FARP2: variants seen among roughly 807,000 people sequenced by gnomAD.
FARP2 encodes FERM, ARHGEF and pleckstrin domain-containing protein 2.
FARP2 carries 111 observed loss-of-function variants against 130.5 expected under a neutral mutation model. The observed-to-expected ratio is 0.85, with a 90% confidence interval of 0.73 to 1.00. FARP2 has a LOEUF of 1.00. Among genes scored for constraint, FARP2 ranks in the 50% least tolerant of loss-of-function variants. The pLI, the probability that FARP2 is intolerant of heterozygous loss-of-function variation, is 0.00. For synonymous variants in FARP2, 504 were observed against 516.9 expected (o/e 0.98, Z 0.34); for missense variants, 1,385 against 1,346.3 (o/e 1.03, Z -0.45).
At chr2:241,377,532 G>A (rs905285797) in intron 2 of FARP2, among the ~76,000 whole-genome samples, 6 of 151,948 alleles carry the variant, frequency 3.9e-5, no homozygotes, top group African/African-American at 9.7e-5. Context: ...TAGTAGAGAC[G>A]GGGTTTCACC....
At chr2:241,440,359 AG>A (rs1174786482) in intron 12 of FARP2, among the ~76,000 whole-genome samples, 1 of 152,154 alleles carries the variant, frequency 6.6e-6, no homozygotes, top group Non-Finnish European at 1.5e-5. Flanking sequence ...TAGTGAGTAG[AG>A]GGGGCTCAGC....
At chr2:241,393,895 T>C (rs905328205) in intron 2 of FARP2, among the ~76,000 whole-genome samples, 2 of 152,230 alleles carry the variant, frequency 1.3e-5, no homozygotes, top group Non-Finnish European at 2.9e-5. Flanking sequence ...CAAAAAGTTT[T>C]GCTTTTTAAC....
chr2:241,375,419 G>A (rs970023936), intron 2 of FARP2, among the ~76,000 whole-genome samples: 1 of 148,418 alleles, frequency 6.7e-6, no homozygotes, highest in African/African-American at 2.5e-5. Flanking sequence ...TTTTTTTTTT[G>A]TTCTGCCTAC....
At chr2:241,487,398 T>C (rs944505943) in intron 21 of FARP2, among the ~76,000 whole-genome samples, 1 of 152,164 alleles carries the variant, frequency 6.6e-6, no homozygotes, top group Non-Finnish European at 1.5e-5. Context: ...CAGGGCACGG[T>C]GGCTCACGTC....
At chr2:241,492,519 C>T (rs2064957439) in intron 24 of FARP2, among the ~76,000 whole-genome samples, 1 of 152,248 alleles carries the variant, frequency 6.6e-6, no homozygotes, top group African/African-American at 2.4e-5. Flanking sequence ...ATGCCACATG[C>T]TTAGGGACAG....
chr2:241,440,528 G>A (rs1245699681), intron 12 of FARP2, among the ~76,000 whole-genome samples: 1 of 152,142 alleles, frequency 6.6e-6, no homozygotes, highest in Non-Finnish European at 1.5e-5. Context: ...GGCCACTCCT[G>A]TGCTTTTGGA....
rs1167750549 is a variant in FARP2 at position 241,487,746 on chromosome 2, C to CTTTT, written c.2422-2198_2422-2195dup. On this transcript the variant is annotated intron_variant, in intron 21 of 26. Coordinates refer to ENST00000264042, the MANE Select transcript of FARP2 (RefSeq NM_014808.4). ...ATGTCATAGCTTAGCCTAGCCTACTCTTTTTTTTTTTTTTTTTTTTTGAGA... is the reference window on the plus strand; with the variant it reads ...ATGTCATAGCTTAGCCTAGCCTACTCTTTTTTTTTTTTTTTTTTTTTTTTTGAGA... Among the ~76,000 whole-genome samples, 59 of 73,216 alleles carry CTTTT rather than the reference C, an allele frequency of 8.1e-4. 12 individuals carry two copies. The highest frequency in any genetic ancestry group is 1.1e-3 in the African/African-American group (21 of 18,920). 48.0% of individuals were successfully genotyped at this position (73,216 alleles called of 152,430 possible). A position where few individuals can be genotyped will look rare whatever the true frequency, so the allele number is the denominator to read the frequency against.
chr2:241,491,173 C>G lies in FARP2; in HGVS notation c.2617C>G (p.Pro873Ala). ...GCCAGGCCGCACTGTGTGCACTCGT[C>G]CCCCCAGTGAGTGCTGGCCACAACC... The part of the protein sequence containing the change: ...ALPGRTVCTR[P>A]PRSPNEVSLE... The change falls in exon 23 of 27, where the codon CCC (proline) becomes GCC (alanine). Residue 873 changes from proline (P) to alanine (A), a missense_variant. Physicochemically the swap from Pro to Ala is conservative, Grantham distance 27. Transcript: ENST00000264042. The G allele has an allele frequency of 6.2e-7, 1 of 1,606,012 alleles. No individual in the cohort carries two copies. Among genetic ancestry groups the G allele is most frequent in the Admixed American group, 1.7e-5 (1 of 60,012 alleles).
At chr2:241,439,490 T>C (rs111943976) in intron 12 of FARP2, among the ~76,000 whole-genome samples, 15,220 of 152,118 alleles carry the variant, frequency 0.1, 835 homozygotes, top group Middle Eastern at 0.12. Context: ...CCACAATGCC[T>C]GGCTGATTTT....
intron 8 of FARP2, among the ~76,000 whole-genome samples, chr2:241,419,202 G>A (rs1316608987): frequency 6.6e-6 from 1 of 152,052 alleles, no homozygotes; most frequent in African/African-American, 2.4e-5. Flanking sequence ...TTTGAATTTA[G>A]AGTATTATGT....
Position 241,491,149 on chromosome 2 carries a change from C to T in FARP2, c.2593C>T (p.Pro865Ser), listed in dbSNP as rs2064888001. Residue 865 changes from proline (P) to serine (S), a missense_variant, in exon 23 of 27, where the codon CCA becomes TCA. Transcript: ENST00000264042. ...TGGCGGTGACACGGCCCCTGCACTGCCAGGCCGCACTGTGTGCACTCGTCC... is the reference window on the plus strand; with the variant it reads ...TGGCGGTGACACGGCCCCTGCACTGTCAGGCCGCACTGTGTGCACTCGTCC... Reference protein sequence around the residue: ...KSGGDTAPALPGRTVCTRPPR... With the variant: ...KSGGDTAPALSGRTVCTRPPR... The T allele has an allele frequency of 6.2e-7, 1 of 1,613,004 alleles. No homozygotes were observed. Among genetic ancestry groups the T allele is most frequent in the African/African-American group, 1.3e-5 (1 of 75,038 alleles).
intron 1 of FARP2, among the ~76,000 whole-genome samples, chr2:241,357,822 T>C (rs1050670666): frequency 6.6e-6 from 1 of 152,352 alleles, no homozygotes; most frequent in East Asian, 1.9e-4. Flanking sequence ...CCTTGTATAC[T>C]AATTCCTTTC....
chr2:241,486,284 A>C (rs893593666), intron 21 of FARP2, among the ~76,000 whole-genome samples: 1 of 145,944 alleles, frequency 6.9e-6, no homozygotes. Context: ...AATCTCCAAA[A>C]ATCTTTTTTT....
chr2:241,402,546 T>C (rs2062196430), intron 2 of FARP2, among the ~76,000 whole-genome samples: 1 of 152,140 alleles, frequency 6.6e-6, no homozygotes, highest in African/African-American at 2.4e-5. Context: ...TCCTTTTTGC[T>C]ATGCTTAGGA....
intron 8 of FARP2, 75 bp from the exon 9 acceptor site, chr2:241,431,604 T>G: frequency 1.3e-6 from 1 of 758,942 alleles, no homozygotes; most frequent in Non-Finnish European, 2.3e-6. Flanking sequence ...GGATGTAATT[T>G]AAGCATTCCC....
chr2:241,377,864 A>G (rs975271017), intron 2 of FARP2, among the ~76,000 whole-genome samples: 4 of 152,286 alleles, frequency 2.6e-5, no homozygotes, highest in African/African-American at 7.2e-5. Flanking sequence ...GGACTGACAG[A>G]ATACCTAGGA....
chr2:241,410,107 C>T (rs1031571897), intron 5 of FARP2, among the ~76,000 whole-genome samples: 3 of 152,100 alleles, frequency 2.0e-5, no homozygotes, highest in Non-Finnish European at 2.9e-5. Context: ...AATTCACGCT[C>T]AGTAATTATT....
rs937533150 is a variant in FARP2 at position 241,441,155 on chromosome 2, A to G, written c.1159-149A>G. ...GCTACTTTTACAAATCTTCAGTTCT[A>G]CAAGGGAAAGTCTAGTGAATTGCCC... On this transcript the variant is annotated intron_variant, in intron 12 of 26. Transcript: ENST00000264042. The G allele has an allele frequency of 3.9e-5, 26 of 663,702 alleles. No individual in the cohort carries two copies. The East Asian group carries it at 6.5e-4, about 17-fold the overall frequency. 41.1% of individuals were successfully genotyped at this position (663,702 alleles called of 1,614,324 possible). A position where few individuals can be genotyped will look rare whatever the true frequency, so the allele number is the denominator to read the frequency against.
chr2:241,402,348 A>G (rs1225560157), intron 2 of FARP2, among the ~76,000 whole-genome samples: 1 of 152,212 alleles, frequency 6.6e-6, no homozygotes, highest in East Asian at 1.9e-4. Context: ...GGTGAAAAAT[A>G]TCTTACTGTT....
Sources: gnomAD v4.1 joint callset for allele counts (sites outside exome capture counted in the v4.1 genomes callset) on GRCh38, gnomAD v4.1.1 for gene constraint, MANE v1.5 for transcripts, NCBI Gene and HGNC (gene_info 2026-07-23, HGNC 2026-07-21) for gene names.